The following FAM89A variants were observed in gnomAD, a reference collection of about 807,000 sequenced individuals.
The protein encoded by FAM89A is family with sequence similarity 89 member A, also known as protein FAM89A.
FAM89A carries 10 observed loss-of-function variants against 7.1 expected under a neutral mutation model. The observed-to-expected ratio is 1.40, with a 90% CI of 0.86 to 2.38. FAM89A has a LOEUF of 2.38. Among genes scored for constraint, FAM89A ranks in the 30% most tolerant of loss-of-function variants. FAM89A has a pLI of 0.00. For missense variants in FAM89A, 276 were observed against 262.8 expected (o/e 1.05, Z -0.35); for synonymous variants, 157 against 129.3 (o/e 1.21, Z -1.45).
chr1:231,036,672 C>G (rs1680160352), intron 1 of FAM89A, among the ~76,000 whole-genome samples: 1 of 152,060 alleles, frequency 6.6e-6, no homozygotes, highest in African/African-American at 2.4e-5. Flanking sequence ...CCAGCTCTCC[C>G]AGCCTCCACC....
rs959287320 is a variant in FAM89A at position 231,019,514 on chromosome 1, A to G, written c.*349T>C. 3.0e-5 allele frequency: 7 copies of G among 234,260 alleles called. No individual in the cohort carries two copies. In the Admixed American group the frequency reaches 3.6e-4, roughly 12 times the overall value. The allele number at this position is 234,260 out of a possible 1,614,324, so 14.5% of individuals were successfully genotyped here. On this transcript the variant is annotated 3_prime_UTR_variant, in exon 2 of 2. Coordinates refer to ENST00000366654, the MANE Select transcript of FAM89A (RefSeq NM_198552.3). ...TGGAATACTCTACCATCTGTAAGGAAGTAGCTAGCTACAAGCCACCTCACA... is the reference window on the plus strand; with the variant it reads ...TGGAATACTCTACCATCTGTAAGGAGGTAGCTAGCTACAAGCCACCTCACA...
At chr1:231,037,994 T>C (rs1465439373) in intron 1 of FAM89A, among the ~76,000 whole-genome samples, 1 of 152,238 alleles carries the variant, frequency 6.6e-6, no homozygotes, top group Non-Finnish European at 1.5e-5. Context: ...ATCTCAGGAA[T>C]GAACTCCCAG....
At chr1:231,035,100 GACACTGGTTTC>G (rs753257792) in intron 1 of FAM89A, among the ~76,000 whole-genome samples, 3 of 152,192 alleles carry the variant, frequency 2.0e-5, no homozygotes, top group Non-Finnish European at 2.9e-5. Context: ...TCCTCTGTAA[GACACTGGTTTC>G]ACATAAAGGA....
At chr1:231,033,884 T>C (rs1391789598) in intron 1 of FAM89A, among the ~76,000 whole-genome samples, 3 of 152,156 alleles carry the variant, frequency 2.0e-5, no homozygotes, top group African/African-American at 4.8e-5. Flanking sequence ...AGCCAGGCAA[T>C]GACCCACACA....
chr1:231,025,341 C>T (rs903147475), intron 1 of FAM89A, among the ~76,000 whole-genome samples: 1 of 152,126 alleles, frequency 6.6e-6, no homozygotes, highest in Non-Finnish European at 1.5e-5. Context: ...GTTGAGGTCC[C>T]GACCCTCTGC....
intron 1 of FAM89A, chr1:231,021,934 G>T: frequency 6.8e-7 from 1 of 1,463,266 alleles, no homozygotes. Flanking sequence ...ACGTGTATGT[G>T]ACTACCCACA....
Position 231,039,971 on chromosome 1 carries a change from C to A in FAM89A, c.241G>T (p.Ala81Ser). 1.5e-6 allele frequency: 2 copies of A among 1,372,646 alleles called. No homozygotes were observed. The highest frequency in any genetic ancestry group is 1.9e-6 in the Non-Finnish European group (2 of 1,071,338). The allele number at this position is 1,372,646 out of a possible 1,614,324, so 85.0% of individuals were successfully genotyped here. A position where few individuals can be genotyped will look rare whatever the true frequency, so the allele number is the denominator to read the frequency against. Residue 81 changes from alanine to serine, a missense_variant, in exon 1 of 2, where the codon GCC (alanine) becomes TCC (serine). Coordinates refer to ENST00000366654, the MANE Select transcript of FAM89A (RefSeq NM_198552.3). ...GGGARAAALP[A>S]KPPNLDAALA... ...GCGGCGTCCAGGTTGGGAGGCTTGGCGGGCAGCGCTGCCGCCCGGGCCCCG... is the reference window on the plus strand; with the variant it reads ...GCGGCGTCCAGGTTGGGAGGCTTGGAGGGCAGCGCTGCCGCCCGGGCCCCG...
At chr1:231,021,168 A>C (rs1005571201) in intron 1 of FAM89A, among the ~76,000 whole-genome samples, 27 of 152,240 alleles carry the variant, frequency 1.8e-4, no homozygotes, top group African/African-American at 6.3e-4. Flanking sequence ...CAACGGGAAG[A>C]AACTCAAGAA....
intron 1 of FAM89A, among the ~76,000 whole-genome samples, chr1:231,039,424 G>C (rs1424129321): frequency 6.6e-6 from 1 of 152,246 alleles, no homozygotes; most frequent in Non-Finnish European, 1.5e-5. Flanking sequence ...CGGACGCGCG[G>C]CCTGGGGCGC....
intron 1 of FAM89A, among the ~76,000 whole-genome samples, chr1:231,031,745 G>T (rs998301039): frequency 2.0e-5 from 3 of 152,104 alleles, no homozygotes; most frequent in Non-Finnish European, 2.9e-5. Context: ...ACAAAGTTAG[G>T]TAAGTACTGT....
chr1:231,021,524 A>G, intron 1 of FAM89A: 1 of 745,760 alleles, frequency 1.3e-6, no homozygotes, highest in Non-Finnish European at 2.3e-6. Context: ...AGAGGGCACG[A>G]AAGGTTGAGA....
At position 231,039,958 on chromosome 1, in the gene FAM89A, T is replaced by C. The variant is rs1318135820; in HGVS notation, c.254A>G (p.Asn85Ser). Residue 85 changes from asparagine (N) to serine (S), a missense_variant, in exon 1 of 2, where the codon AAC (asparagine) becomes AGC (serine). Transcript: ENST00000366654. ...GAGCAGCGCCAGAGCGGCGTCCAGG[T>C]TGGGAGGCTTGGCGGGCAGCGCTGC... ...RAAALPAKPP[N>S]LDAALALLRK... 3.7e-6 allele frequency: 5 copies of C among 1,365,334 alleles called. No individual in the cohort carries two copies. In the East Asian group the frequency reaches 1.2e-4, roughly 34 times the overall value. The allele number at this position is 1,365,334 out of a possible 1,614,324, so 84.6% of individuals were successfully genotyped here.
At chr1:231,021,592 A>G (rs548796569) in intron 1 of FAM89A, 9 of 1,385,676 alleles carry the variant, frequency 6.5e-6, no homozygotes, top group South Asian at 3.5e-5. Flanking sequence ...TTAGGAAACG[A>G]AAGGCACCAA....
chr1:231,025,417 T>A (rs764001762), intron 1 of FAM89A, among the ~76,000 whole-genome samples: 3 of 152,170 alleles, frequency 2.0e-5, no homozygotes, highest in African/African-American at 7.2e-5. Context: ...TGTGACCCTA[T>A]ATAAACTGTT....
chr1:231,032,734 C>T (rs564322338), intron 1 of FAM89A, among the ~76,000 whole-genome samples: 22 of 152,258 alleles, frequency 1.4e-4, no homozygotes, highest in African/African-American at 4.8e-4. Flanking sequence ...AGAATACACT[C>T]GCTTTCACCT....
At chr1:231,023,425 C>T (rs1679913801) in intron 1 of FAM89A, among the ~76,000 whole-genome samples, 1 of 152,190 alleles carries the variant, frequency 6.6e-6, no homozygotes, top group Non-Finnish European at 1.5e-5. Context: ...ACGAGAGAGG[C>T]CTTACAGTGC....
intron 1 of FAM89A, among the ~76,000 whole-genome samples, chr1:231,029,793 G>C (rs988361400): frequency 1.3e-5 from 2 of 152,202 alleles, no homozygotes; most frequent in Non-Finnish European, 2.9e-5. Context: ...CAATGAATGA[G>C]TAAGTATATA....
chr1:231,021,674 G>A, intron 1 of FAM89A: 2 of 1,575,324 alleles, frequency 1.3e-6, no homozygotes, highest in South Asian at 1.1e-5. Context: ...GCGAACACGG[G>A]AAGCAACCTC....
chr1:231,037,672 G>C (rs780780285), intron 1 of FAM89A, among the ~76,000 whole-genome samples: 5 of 152,124 alleles, frequency 3.3e-5, no homozygotes, highest in Non-Finnish European at 5.9e-5. Context: ...AGGCTTCTCA[G>C]AGTCCACTCG....
Sources: gnomAD v4.1 joint callset for allele counts (sites outside exome capture counted in the v4.1 genomes callset) on GRCh38, gnomAD v4.1.1 for gene constraint, MANE v1.5 for transcripts, NCBI Gene and HGNC (gene_info 2026-07-23, HGNC 2026-07-21) for gene names.